Variants in COL9A1 observed in about 807,000 individuals in gnomAD.
The protein encoded by COL9A1 is collagen alpha-1(IX) chain.
COL9A1 carries 104 observed loss-of-function variants against 142.6 expected under a neutral mutation model. That is an observed-to-expected ratio of 0.73 (90% CI 0.62 to 0.86). The LOEUF (loss-of-function observed/expected upper bound fraction) is 0.86. COL9A1 is among the 40% of genes least tolerant of loss of function. The probability of loss-of-function intolerance (pLI) is 0.00; values close to 1 mark genes in which losing one functional copy is unlikely to be tolerated. For synonymous variants in COL9A1, 466 were observed against 396.0 expected (o/e 1.18, Z -2.10); for missense variants, 1,210 against 1,176.6 (o/e 1.03, Z -0.42).
intron 4 of COL9A1, among the ~76,000 whole-genome samples, chr6:70,295,896 C>T (rs919434699): frequency 1.3e-5 from 2 of 152,172 alleles, no homozygotes; most frequent in African/African-American, 4.8e-5. Context: ...GCTAGGCAAA[C>T]TAAATGCTAA....
intron 19 of COL9A1, among the ~76,000 whole-genome samples, chr6:70,262,083 A>G (rs952641617): frequency 1.3e-5 from 2 of 151,776 alleles, no homozygotes; most frequent in African/African-American, 4.8e-5. Context: ...TGTTTGCAAA[A>G]CCCTGTTTTG....
Position 70,234,879 on chromosome 6 carries a change from A to T in COL9A1, c.2174T>A (p.Val725Glu), listed in dbSNP as rs1428416801. 4 of 1,613,732 alleles carry T rather than the reference A, an allele frequency of 2.5e-6. No homozygotes were observed. Among genetic ancestry groups the T allele is most frequent in the Middle Eastern group, 1.6e-4 (1 of 6,062 alleles). ...GPEGSRGLPG[V>E]EGPRGPPGPR... ...TCCAGGTGGTCCTCTTGGTCCTTCCACTCCAGGAAGCCCCCGACTTCCCTC... is the reference window on the plus strand; with the variant it reads ...TCCAGGTGGTCCTCTTGGTCCTTCCTCTCCAGGAAGCCCCCGACTTCCCTC... The change falls in exon 34 of 38, where the codon GTG (valine) becomes GAG (glutamate). Residue 725 changes from valine to glutamate, a missense_variant. Transcript: ENST00000357250.
chr6:70,234,068 T>C (rs1445591306), intron 35 of COL9A1, among the ~76,000 whole-genome samples: 1 of 152,240 alleles, frequency 6.6e-6, no homozygotes, highest in African/African-American at 2.4e-5. Context: ...TTTTTACATA[T>C]GTGTACATGA....
At chr6:70,222,031 C>T (rs984416803) in intron 37 of COL9A1, among the ~76,000 whole-genome samples, 4 of 152,144 alleles carry the variant, frequency 2.6e-5, no homozygotes, top group Non-Finnish European at 4.4e-5. Flanking sequence ...AAAAACTAAT[C>T]GTATGATTAG....
intron 5 of COL9A1, among the ~76,000 whole-genome samples, chr6:70,292,551 A>G (rs987179053): frequency 2.6e-5 from 4 of 152,200 alleles, no homozygotes; most frequent in Non-Finnish European, 2.9e-5. Flanking sequence ...TGGCAAGGCT[A>G]TAGTATAATG....
intron 26 of COL9A1, among the ~76,000 whole-genome samples, chr6:70,252,882 A>G (rs983077029): frequency 4.6e-5 from 7 of 152,096 alleles, no homozygotes; most frequent in Non-Finnish European, 8.8e-5. Flanking sequence ...ACCAATCTCT[A>G]TGTTATTCAC....
intron 5 of COL9A1, among the ~76,000 whole-genome samples, chr6:70,288,431 A>C (rs551824953): frequency 6.6e-6 from 1 of 152,248 alleles, no homozygotes; most frequent in South Asian, 2.1e-4. Context: ...CTTCTCCTAC[A>C]ATATATTATC....
At chr6:70,279,266 A>G (rs937018556) in intron 10 of COL9A1, among the ~76,000 whole-genome samples, 1 of 152,206 alleles carries the variant, frequency 6.6e-6, no homozygotes, top group Non-Finnish European at 1.5e-5. Context: ...TAGATGTTCC[A>G]AAGAGTTTGA....
At chr6:70,221,765 A>G (rs1768893123) in intron 37 of COL9A1, among the ~76,000 whole-genome samples, 1 of 152,236 alleles carries the variant, frequency 6.6e-6, no homozygotes, top group African/African-American at 2.4e-5. Context: ...TTATTAATAA[A>G]TATGTTCCTT....
chr6:70,253,504 C>T, intron 25 of COL9A1, 75 bp from the exon 26 acceptor site: 1 of 1,021,084 alleles, frequency 9.8e-7, no homozygotes, highest in Admixed American at 1.8e-5. Flanking sequence ...CCACTGCACA[C>T]TGCAGGGAGG....
chr6:70,239,337 A>C (rs369671433), intron 32 of COL9A1, 51 bp from the exon 33 acceptor site: 1 of 1,243,476 alleles, frequency 8.0e-7, no homozygotes, highest in Non-Finnish European at 1.2e-6. Context: ...ACATTTGATA[A>C]TTTCCTGAAA....
intron 2 of COL9A1, 100 bp downstream of exon 2, chr6:70,301,901 G>A (rs1774077185): frequency 2.1e-6 from 2 of 931,984 alleles, no homozygotes; most frequent in Admixed American, 4.0e-5. Flanking sequence ...AGGGTGTGAA[G>A]GACTATGAAT....
intron 28 of COL9A1, among the ~76,000 whole-genome samples, chr6:70,243,728 A>G (rs1014288000): frequency 1.3e-5 from 2 of 152,190 alleles, no homozygotes; most frequent in Admixed American, 6.5e-5. Flanking sequence ...GGGTTTCGCC[A>G]TATTGGCCAG....
In COL9A1 at chr6:70,241,948, G is replaced by A. The variant is rs1388188338; in HGVS notation, c.1998+16C>T. ...CCTTCCAAATAAAGAACCTTCTGGA[G>A]TGCTGGAGCTCTTACCCTGTCACCT... On this transcript the variant is annotated intron_variant, in intron 30 of 37. Transcript: ENST00000357250. The A allele has an allele frequency of 6.3e-7, 1 of 1,579,944 alleles. No individual in the cohort carries two copies. Among genetic ancestry groups the A allele is most frequent in the Non-Finnish European group, 8.6e-7 (1 of 1,160,140 alleles).
At position 70,252,172 on chromosome 6, in the gene COL9A1, C is replaced by T; in HGVS notation, c.1820G>A (p.Gly607Asp). ...CACCTCTCCTGGAGGCCCCTGTTGG[C>T]CCTGTTATCAGGAAGGAAGGTAGAA... ...PGQMGNSGKP[G>D]QQGPPGEVGP... is the part of the protein sequence containing the mutation. The change falls in exon 28 of 38, where the codon GGC becomes GAC. Residue 607 changes from glycine to aspartate, a missense_variant and splice_region_variant. Gly to Asp is a moderately conservative substitution (Grantham distance 94, BLOSUM62 -1). Coordinates refer to ENST00000357250, the MANE Select transcript of COL9A1 (RefSeq NM_001851.6). 1 of 1,614,158 alleles carries T rather than the reference C, an allele frequency of 6.2e-7. No individual in the cohort carries two copies. Among genetic ancestry groups the T allele is most frequent in the South Asian group, 1.1e-5 (1 of 91,086 alleles).
At chr6:70,280,738 C>G (rs1479436331) in intron 10 of COL9A1, 74 bp downstream of exon 10, 20 of 1,510,322 alleles carry the variant, frequency 1.3e-5, no homozygotes, top group South Asian at 2.4e-5. Context: ...TCCCTCCCCC[C>G]CCACAAAACA....
At chr6:70,277,879 C>A (rs1266901303) in intron 10 of COL9A1, among the ~76,000 whole-genome samples, 1 of 152,220 alleles carries the variant, frequency 6.6e-6, no homozygotes, top group Non-Finnish European at 1.5e-5. Context: ...TACCAGCACA[C>A]TCAGGTTCAC....
chr6:70,272,559 G>C (rs1033605907), intron 12 of COL9A1, among the ~76,000 whole-genome samples: 1 of 152,088 alleles, frequency 6.6e-6, no homozygotes, highest in African/African-American at 2.4e-5. Flanking sequence ...AAAAGGGTCA[G>C]AAACACACCT....
At position 70,273,955 on chromosome 6, in the gene COL9A1, A is replaced by G. The variant is rs906504474; in HGVS notation, c.1065+92T>C. 24 of 625,832 alleles carry G rather than the reference A, an allele frequency of 3.8e-5. No homozygotes were observed. In the African/African-American group the frequency reaches 4.8e-4, roughly 12 times the overall value. The allele number at this position is 625,832 out of a possible 1,614,324, so 38.8% of individuals were successfully genotyped here. On this transcript the variant is annotated intron_variant, in intron 12 of 37. Transcript: ENST00000357250. ...TTAAAGTATAATAATAAATAAATAA[A>G]TAAATAAATAAATAAATAAAAAGAT...
Sources: gnomAD v4.1 joint callset for allele counts (sites outside exome capture counted in the v4.1 genomes callset) on GRCh38, gnomAD v4.1.1 for gene constraint, MANE v1.5 for transcripts, NCBI Gene and HGNC (gene_info 2026-07-23, HGNC 2026-07-21) for gene names.